KLC1: variants seen among roughly 807,000 people sequenced by gnomAD.
KLC1 encodes the protein kinesin 2 60/70kDa.
In KLC1, 30 loss-of-function variants were observed where a neutral mutation model predicts 84.2. The observed-to-expected ratio is 0.36, with a 90% CI of 0.27 to 0.48. The LOEUF (loss-of-function observed/expected upper bound fraction) is 0.48. Among genes scored for constraint, KLC1 ranks in the 20% least tolerant of loss-of-function variants. The probability of loss-of-function intolerance (pLI) is 0.99; values close to 1 mark genes in which losing one functional copy is unlikely to be tolerated. For missense variants in KLC1, 499 were observed against 805.4 expected (o/e 0.62, Z 4.60); for synonymous variants, 289 against 293.3 (o/e 0.99, Z 0.15).
intron 15 of KLC1, chr14:103,700,379 G>A (rs994265231): frequency 7.4e-6 from 3 of 405,264 alleles, no homozygotes; most frequent in African/African-American, 4.2e-5. Context: ...GGGTGCCAGA[G>A]CCATTGGCAT....
intron 1 of KLC1, among the ~76,000 whole-genome samples, chr14:103,629,759 T>C (rs911969682): frequency 5.3e-5 from 8 of 150,854 alleles, no homozygotes; most frequent in Non-Finnish European, 1.0e-4. Flanking sequence ...CCGCGCGTCC[T>C]CCCCATCCGC....
chr14:103,646,492 T>C (rs1389504145), intron 1 of KLC1, among the ~76,000 whole-genome samples: 1 of 152,074 alleles, frequency 6.6e-6, no homozygotes, highest in Non-Finnish European at 1.5e-5. Context: ...ATTAAAATAT[T>C]ATATGTATGC....
At chr14:103,629,800 GCCCAGGGCCCCGC>G (rs1428436594) in intron 1 of KLC1, among the ~76,000 whole-genome samples, 2 of 152,062 alleles carry the variant, frequency 1.3e-5, no homozygotes, top group Non-Finnish European at 2.9e-5. Flanking sequence ...CCCCGGCCCT[GCCCAGGGCCCCGC>G]CCTGGCCCCG....
chr14:103,677,671 G>C, intron 12 of KLC1, 148 bp downstream of exon 12: 1 of 629,916 alleles, frequency 1.6e-6, no homozygotes. Flanking sequence ...GTTTAAAAGA[G>C]CATGAGGCCG....
chr14:103,697,749 G>A (rs751125257), intron 15 of KLC1: 17 of 152,378 alleles, frequency 1.1e-4, no homozygotes, highest in Admixed American at 4.6e-4. Context: ...GGGAGGCCAC[G>A]CCACTCTGCC....
At chr14:103,677,548 C>T (rs561077661) in intron 12 of KLC1, 25 bp downstream of exon 12, 18 of 1,395,698 alleles carry the variant, frequency 1.3e-5, no homozygotes, top group African/African-American at 7.1e-5. Flanking sequence ...TGTCCTTAAC[C>T]GGCCCATGGG....
intron 1 of KLC1, among the ~76,000 whole-genome samples, chr14:103,648,523 C>T (rs1477351980): frequency 6.6e-6 from 1 of 152,056 alleles, no homozygotes; most frequent in Non-Finnish European, 1.5e-5. Flanking sequence ...TGGCTCATGC[C>T]TGTAATCGCA....
chr14:103,653,378 G>A (rs1224819397), intron 1 of KLC1, among the ~76,000 whole-genome samples: 1 of 152,326 alleles, frequency 6.6e-6, no homozygotes, highest in South Asian at 2.1e-4. Flanking sequence ...CTGGAGTGCA[G>A]TAGTGAGATC....
At position 103,695,716 on chromosome 14, in the gene KLC1, C is replaced by T. The variant is rs1221226673; in HGVS notation, c.1848+3291C>T. 23 of 985,430 alleles carry T rather than the reference C, an allele frequency of 2.3e-5. No homozygotes were observed. In the East Asian group the frequency reaches 1.1e-3, roughly 49 times the overall value. The allele number at this position is 985,430 out of a possible 1,614,324, so 61.0% of individuals were successfully genotyped here. Reference sequence around the variant, plus strand: ...GAGGTTGTGTGGGGCCTCTGTGGAGCCTGCTGTGGCTTCCAGCCATGGGAC... The same window carrying T: ...GAGGTTGTGTGGGGCCTCTGTGGAGTCTGCTGTGGCTTCCAGCCATGGGAC... On this transcript the variant is annotated intron_variant, in intron 15 of 16. Coordinates refer to ENST00000334553, the MANE Select transcript of KLC1 (RefSeq NM_001394837.1).
At chr14:103,647,775 C>A (rs543490976) in intron 1 of KLC1, among the ~76,000 whole-genome samples, 1 of 150,580 alleles carries the variant, frequency 6.6e-6, no homozygotes, top group African/African-American at 2.4e-5. Context: ...ACTTGGGAGG[C>A]TGAGGCAGGA....
intron 15 of KLC1, chr14:103,695,155 AAAT>A (rs2082349151): frequency 1.1e-6 from 1 of 915,974 alleles, no homozygotes; most frequent in Admixed American, 7.0e-5. Flanking sequence ...AAAAAATGTT[AAAT>A]TATATATATA....
chr14:103,701,083 C>T, intron 16 of KLC1, 118 bp from the exon 17 acceptor site: 1 of 1,287,706 alleles, frequency 7.8e-7, no homozygotes, highest in African/African-American at 1.5e-5. Flanking sequence ...ACCAGCAACA[C>T]CCTCTTCTCT....
chr14:103,635,611 G>A (rs768253615), intron 1 of KLC1, among the ~76,000 whole-genome samples: 35 of 152,034 alleles, frequency 2.3e-4, no homozygotes, highest in Non-Finnish European at 4.3e-4. Context: ...AAAATTAGCC[G>A]CGTGTGGTAG....
intron 3 of KLC1, among the ~76,000 whole-genome samples, chr14:103,658,428 GTTTT>G (rs536826342): frequency 1.1e-5 from 1 of 91,230 alleles, no homozygotes; most frequent in Non-Finnish European, 2.0e-5. Flanking sequence ...GCCCAGCTAA[GTTTT>G]TTTTTTTTTT....
chr14:103,643,088 A>G (rs571975768), intron 1 of KLC1, among the ~76,000 whole-genome samples: 1 of 152,222 alleles, frequency 6.6e-6, no homozygotes, highest in Non-Finnish European at 1.5e-5. Context: ...TATTTTTAAC[A>G]ATTAGTATTT....
Position 103,701,294 on chromosome 14 carries a change from G to T in KLC1, c.*95G>T. 7.5e-7 allele frequency: 1 copy of T among 1,337,562 alleles called. No individual in the cohort carries two copies. The highest frequency in any genetic ancestry group is 1.3e-5 in the South Asian group (1 of 79,218). 82.9% of individuals were successfully genotyped at this position (1,337,562 alleles called of 1,614,324 possible). On this transcript the variant is annotated 3_prime_UTR_variant, in exon 17 of 17. Coordinates refer to ENST00000334553, the MANE Select transcript of KLC1 (RefSeq NM_001394837.1). Reference sequence around the variant, plus strand: ...AGGGCGGCAGGGAGGGCCCCTGGCCGGGAGCCGCAGCGCTCACTCATTTCT... The same window carrying T: ...AGGGCGGCAGGGAGGGCCCCTGGCCTGGAGCCGCAGCGCTCACTCATTTCT...
chr14:103,639,140 T>C (rs2077291326), intron 1 of KLC1, among the ~76,000 whole-genome samples: 1 of 152,158 alleles, frequency 6.6e-6, no homozygotes, highest in Non-Finnish European at 1.5e-5. Flanking sequence ...CTCCCAAAAC[T>C]AACATATTGG....
intron 1 of KLC1, among the ~76,000 whole-genome samples, chr14:103,653,964 C>T (rs1398816467): frequency 6.6e-6 from 1 of 152,150 alleles, no homozygotes; most frequent in East Asian, 1.9e-4. Context: ...CCCTTCCAGA[C>T]ATTGCATCAC....
intron 1 of KLC1, among the ~76,000 whole-genome samples, chr14:103,638,916 T>C (rs995883596): frequency 5.3e-5 from 8 of 152,130 alleles, no homozygotes; most frequent in South Asian, 2.1e-4. Context: ...TGTGTGTGTG[T>C]GCGTGCATGC....
Sources: allele counts gnomAD v4.1 joint callset (sites outside exome capture counted in the v4.1 genomes callset), GRCh38; gene constraint gnomAD v4.1.1; transcripts MANE v1.5; gene names NCBI Gene and HGNC (gene_info 2026-07-23, HGNC 2026-07-21).